The following ATP2C1 variants were observed in gnomAD, a reference collection of about 807,000 sequenced individuals.
ATP2C1 encodes ATPase secretory pathway Ca2+ transporting 1.
ATP2C1 carries 31 observed loss-of-function variants against 120.5 expected under a neutral mutation model. The ratio of observed to expected loss-of-function variants is 0.26; its 90% CI spans 0.19 to 0.35. The LOEUF (loss-of-function observed/expected upper bound fraction) is 0.35. Among genes scored for constraint, ATP2C1 ranks in the 10% least tolerant of loss-of-function variants. ATP2C1 has a pLI of 1.00. For synonymous variants in ATP2C1, 351 were observed against 358.7 expected (o/e 0.98, Z 0.24); for missense variants, 731 against 1,107.5 (o/e 0.66, Z 4.83).
intron 2 of ATP2C1, among the ~76,000 whole-genome samples, chr3:130,907,902 A>T (rs781730665): frequency 6.6e-6 from 1 of 152,032 alleles, no homozygotes; most frequent in Non-Finnish European, 1.5e-5. Flanking sequence ...GTACAAACAT[A>T]AGACTTTTTG....
Position 130,894,536 on chromosome 3 carries a change from G to C in ATP2C1, c.-180-54G>C. On this transcript the variant is annotated intron_variant, in intron 1 of 27. Coordinates refer to ENST00000510168, the MANE Select transcript of ATP2C1 (RefSeq NM_001378687.1). The surrounding 1 kb of genome is among the most constrained non-coding windows in gnomAD (Gnocchi z 4.5). ...GGCTCCCGAGATAGTGGCTGGGCGG[G>C]GAACTCCTTCCTCAGCCTCTCGTCA... The C allele has an allele frequency of 7.1e-7, 1 of 1,404,856 alleles. No homozygotes were observed. Among genetic ancestry groups the C allele is most frequent in the Non-Finnish European group, 9.2e-7 (1 of 1,081,434 alleles). 87.0% of individuals were successfully genotyped at this position (1,404,856 alleles called of 1,614,324 possible).
At chr3:130,948,334 T>TA (rs2060230998) in intron 8 of ATP2C1, among the ~76,000 whole-genome samples, 1 of 151,278 alleles carries the variant, frequency 6.6e-6, no homozygotes, top group African/African-American at 2.5e-5. Flanking sequence ...GATAGAAAAT[T>TA]ATTGGTTGAC....
chr3:130,996,688 C>T lies in ATP2C1; in HGVS notation c.2135C>T (p.Ala712Val), dbSNP rs1459422301. 1 of 1,593,074 alleles carries T rather than the reference C, an allele frequency of 6.3e-7. No individual in the cohort carries two copies. The highest frequency in any genetic ancestry group is 8.6e-7 in the Non-Finnish European group (1 of 1,161,080). The change falls in exon 24 of 28, where the codon GCA becomes GTA. Residue 712 changes from alanine (A) to valine (V), a missense_variant. This residue lies in a region of ATP2C1 where 19 missense variants were observed against 60.0 expected (regional missense o/e 0.32). Coordinates refer to ENST00000510168, the MANE Select transcript of ATP2C1 (RefSeq NM_001378687.1). ...ACTCTCTTTTTCAACAGGAGTATAG[C>T]AGCATTAACTTTAATCTCATTGGCT... is the stretch of plus-strand genomic sequence containing the variant. Reference protein sequence around the residue: ...FVRFQLSTSIAALTLISLATL... With the variant: ...FVRFQLSTSIVALTLISLATL...
chr3:131,011,876 GT>G (rs1423695764), intron 26 of ATP2C1, among the ~76,000 whole-genome samples: 1 of 152,132 alleles, frequency 6.6e-6, no homozygotes, highest in Non-Finnish European at 1.5e-5. Context: ...TCATTTTTCG[GT>G]GAACCACCTT....
In ATP2C1 at chr3:130,981,315, T is replaced by G. The variant is rs575489194; in HGVS notation, c.1839+636T>G. 3.3e-5 allele frequency among the ~76,000 whole-genome samples: 5 copies of G among 152,316 alleles called. No homozygotes were observed. In the East Asian group the frequency reaches 9.7e-4, roughly 29 times the overall value. On this transcript the variant is annotated intron_variant, in intron 20 of 27. Transcript: ENST00000510168. ...ATACCATATGAATGAGGCTTTTGAA[T>G]CTGCTTCTTTCACTTAGCATAATGC...
rs1222439963 is a variant in ATP2C1 at position 131,002,195 on chromosome 3, A to G, written c.*845A>G. ...ACATGTCTTCCTTTTTGAGGTAAAG[A>G]TATATACTTTGTCAAATATCATTTT... is the stretch of plus-strand genomic sequence containing the variant. On this transcript the variant is annotated 3_prime_UTR_variant, in exon 28 of 28. Transcript: ENST00000510168. The G allele has an allele frequency of 1.0e-6, 1 of 971,584 alleles. No individual in the cohort carries two copies. Among genetic ancestry groups the G allele is most frequent in the Non-Finnish European group, 1.2e-6 (1 of 817,498 alleles). 60.2% of individuals were successfully genotyped at this position (971,584 alleles called of 1,614,324 possible).
chr3:130,948,025 T>C (rs2060220710), intron 8 of ATP2C1, among the ~76,000 whole-genome samples: 1 of 152,200 alleles, frequency 6.6e-6, no homozygotes, highest in African/African-American at 2.4e-5. Context: ...TGCCCATTAA[T>C]ATAGATTTAT....
rs372451967 is a variant in ATP2C1, at chr3:130,944,634, G to T, written c.531+2935G>T. ...TTGACTGTAGAGCTATATAGCATGT[G>T]ACTTTTTGGGATACATAGTTAAGAC... is the stretch of plus-strand genomic sequence containing the variant. On this transcript the variant is annotated intron_variant, in intron 8 of 27. Coordinates refer to ENST00000510168, the MANE Select transcript of ATP2C1 (RefSeq NM_001378687.1). Among the ~76,000 whole-genome samples, 13 of 152,254 alleles carry T rather than the reference G, an allele frequency of 8.5e-5. 1 individual carries two copies. The East Asian group carries it at 1.4e-3, about 16-fold the overall frequency.
intron 26 of ATP2C1, chr3:131,014,472 G>A (rs1357235544): frequency 7.8e-7 from 1 of 1,286,436 alleles, no homozygotes; most frequent in Non-Finnish European, 1.1e-6. Flanking sequence ...TTCAACAAAT[G>A]CATCTAAACA....
chr3:130,995,973 A>G (rs559791999), intron 22 of ATP2C1, 70 bp from the exon 23 acceptor site: 40 of 1,012,878 alleles, frequency 3.9e-5, no homozygotes, highest in Admixed American at 6.8e-5. Context: ...TTAGCTCTAC[A>G]GTGTTTTAGT....
Position 130,998,318 on chromosome 3 carries a change from C to T in ATP2C1, c.2416C>T (p.Arg806Ter), listed in dbSNP as rs1157144837. ...GCTACGAGACAATGTGATTACACCT[C>T]GAGACACAACAATGACCTTCACATG... ...RELRDNVITP[R>*]DTTMTFTCFV... Residue 806 changes from arginine to a stop codon, truncating the protein, a stop_gained, in exon 26 of 28, where the codon CGA (arginine) becomes TGA (stop). Transcript: ENST00000510168. LOFTEE classifies it high-confidence loss of function. The T allele has an allele frequency of 1.9e-6, 3 of 1,612,176 alleles. No individual in the cohort carries two copies. The highest frequency in any genetic ancestry group is 2.5e-6 in the Non-Finnish European group (3 of 1,178,396).
Position 130,894,924 on chromosome 3 carries a change from T to C in ATP2C1, c.6+149T>C. 1.1e-6 allele frequency: 1 copy of C among 890,482 alleles called. No individual in the cohort carries two copies. The highest frequency in any genetic ancestry group is 1.9e-6 in the Non-Finnish European group (1 of 535,208). 55.2% of individuals were successfully genotyped at this position (890,482 alleles called of 1,614,324 possible). On this transcript the variant is annotated intron_variant, in intron 2 of 27. Coordinates refer to ENST00000510168, the MANE Select transcript of ATP2C1 (RefSeq NM_001378687.1). This position sits in a 1 kb window ranked among gnomAD's most constrained non-coding sequence, Gnocchi z 4.5. The stretch of plus-strand genomic sequence containing the variant: ...TGTCCAAGGATTTGCTTACTTAGGG[T>C]ATCCAGCTTTTATTTTGGTAACATG...
chr3:130,900,430 C>T (rs751564537), intron 2 of ATP2C1, among the ~76,000 whole-genome samples: 2 of 151,988 alleles, frequency 1.3e-5, no homozygotes, highest in Non-Finnish European at 2.9e-5. Context: ...AAATTACTTT[C>T]ATTTATTTAT....
rs2059648069 is a variant in ATP2C1 at position 130,935,898 on chromosome 3, T to C, written c.324+1187T>C. ...AACTCTTTTGTATATTGAAATACAATGGTTGTCTCAAGGAAGGGTGATGAT... is the reference window on the plus strand; with the variant it reads ...AACTCTTTTGTATATTGAAATACAACGGTTGTCTCAAGGAAGGGTGATGAT... On this transcript the variant is annotated intron_variant, in intron 5 of 27. Transcript: ENST00000510168. 4.6e-5 allele frequency among the ~76,000 whole-genome samples: 7 copies of C among 152,312 alleles called. No homozygotes were observed. The South Asian group carries it at 1.4e-3, about 32-fold the overall frequency.
intron 1 of ATP2C1, among the ~76,000 whole-genome samples, chr3:130,873,906 T>C (rs1370975756): frequency 1.3e-5 from 2 of 152,034 alleles, no homozygotes; most frequent in Non-Finnish European, 2.9e-5. Flanking sequence ...GGTCAGGAGT[T>C]CTAGACCAGC....
intron 8 of ATP2C1, among the ~76,000 whole-genome samples, chr3:130,947,268 A>G (rs181397056): frequency 9.2e-5 from 14 of 152,306 alleles, no homozygotes; most frequent in Admixed American, 2.0e-4. Context: ...AAAAATTATT[A>G]AAACAGCTTT....
chr3:130,955,141 A>G, intron 10 of ATP2C1, 61 bp downstream of exon 10: 8 of 1,138,476 alleles, frequency 7.0e-6, no homozygotes, highest in Admixed American at 1.7e-5. Flanking sequence ...CATTGTAAGT[A>G]GAGAATGTTG....
At chr3:130,970,406 A>ACACACC (rs765779646) in intron 17 of ATP2C1, among the ~76,000 whole-genome samples, 252 of 147,972 alleles carry the variant, frequency 1.7e-3, no homozygotes, top group Admixed American at 4.5e-3. Flanking sequence ...ACACACACAC[A>ACACACC]CCCTTAAACT....
chr3:130,974,093 G>A (rs1477710069), intron 17 of ATP2C1, among the ~76,000 whole-genome samples: 1 of 152,172 alleles, frequency 6.6e-6, no homozygotes, highest in African/African-American at 2.4e-5. Flanking sequence ...TAGCTTATCT[G>A]CTTCTTTGTT....
Sources: gnomAD v4.1 joint callset for allele counts (sites outside exome capture counted in the v4.1 genomes callset) on GRCh38, gnomAD v4.1.1 for gene constraint, gnomAD v4.1.1 regional missense constraint, Gnocchi (gnomAD v3.1) non-coding constraint, MANE v1.5 for transcripts, NCBI Gene and HGNC (gene_info 2026-07-23, HGNC 2026-07-21) for gene names.